The following ATP10B variants were observed in gnomAD, a reference collection of about 807,000 sequenced individuals.
The protein encoded by ATP10B is ATPase phospholipid transporting 10B (putative).
A neutral mutation model predicts 141.2 loss-of-function variants in ATP10B; 122 were observed. The ratio of observed to expected loss-of-function variants is 0.86; its 90% CI spans 0.75 to 1.00. The LOEUF is 1.00. ATP10B is among the 50% of genes least tolerant of loss of function. The pLI, the probability that ATP10B is intolerant of heterozygous loss-of-function variation, is 0.00. For synonymous variants in ATP10B, 685 were observed against 692.0 expected (o/e 0.99, Z 0.16); for missense variants, 1,876 against 1,825.3 (o/e 1.03, Z -0.51).
the ATP10B span, among the ~76,000 whole-genome samples, chr5:160,865,480 A>G: frequency 6.6e-6 from 1 of 152,194 alleles, no homozygotes; most frequent in Non-Finnish European, 1.5e-5. Flanking sequence ...TCTAGAAGAT[A>G]ACATTGGAAA....
intron 7 of ATP10B, among the ~76,000 whole-genome samples, chr5:160,662,704 C>G (rs866023947): frequency 0.011 from 1,617 of 152,128 alleles, 23 homozygotes; most frequent in African/African-American, 0.037. Flanking sequence ...TAGAAGAAAA[C>G]CTAGGCATTA....
At chr5:160,876,974 C>G in the ATP10B span, among the ~76,000 whole-genome samples, 4 of 148,258 alleles carry the variant, frequency 2.7e-5, no homozygotes, top group Non-Finnish European at 4.5e-5. Context: ...GAACTGGTAC[C>G]ATTCCTTCTG....
chr5:160,905,419 G>C, the ATP10B span, among the ~76,000 whole-genome samples: 1 of 152,172 alleles, frequency 6.6e-6, no homozygotes, highest in African/African-American at 2.4e-5. Context: ...CAAGTCCTGG[G>C]TTCCTCAGGT....
At chr5:160,668,638 T>A (rs1322799170) in intron 7 of ATP10B, among the ~76,000 whole-genome samples, 1 of 152,202 alleles carries the variant, frequency 6.6e-6, no homozygotes, top group South Asian at 2.1e-4. Context: ...TGGAGACCAG[T>A]GGACATGCTG....
chr5:160,634,335 C>A lies in ATP10B; in HGVS notation c.1381+19G>T, dbSNP rs371437832. 3 of 1,613,978 alleles carry A rather than the reference C, an allele frequency of 1.9e-6. No homozygotes were observed. Among genetic ancestry groups the A allele is most frequent in the African/African-American group, 2.7e-5 (2 of 74,894 alleles). ...TTTCCTTTTAGAAAGAGGGATGGAG[C>A]CCTTGGGAGCTTCTATACCATTTTC... On this transcript the variant is annotated intron_variant, in intron 12 of 25. Coordinates refer to ENST00000327245, the MANE Select transcript of ATP10B (RefSeq NM_025153.3).
At chr5:160,925,035 A>G in the ATP10B span, among the ~76,000 whole-genome samples, 1 of 152,262 alleles carries the variant, frequency 6.6e-6, no homozygotes, top group Non-Finnish European at 1.5e-5. Context: ...CAGGCTAAAG[A>G]TGACAGGACA....
intron 24 of ATP10B, among the ~76,000 whole-genome samples, chr5:160,586,994 C>G (rs1028662639): frequency 2.0e-5 from 3 of 152,086 alleles, no homozygotes; most frequent in African/African-American, 7.2e-5. Context: ...GTTGCAATTG[C>G]TTTTGGTGTT....
At chr5:160,786,758 GCA>G (rs1234378681) in intron 1 of ATP10B, among the ~76,000 whole-genome samples, 3 of 152,090 alleles carry the variant, frequency 2.0e-5, no homozygotes, top group Non-Finnish European at 4.4e-5. Context: ...ACATGCATAT[GCA>G]CACACACATA....
At chr5:160,736,967 C>T (rs1380580379) in intron 2 of ATP10B, among the ~76,000 whole-genome samples, 4 of 152,238 alleles carry the variant, frequency 2.6e-5, no homozygotes, top group South Asian at 4.1e-4. Context: ...GAAGAAACTA[C>T]GGGCCAATAT....
the ATP10B span, among the ~76,000 whole-genome samples, chr5:160,924,609 C>T: frequency 6.6e-6 from 1 of 152,124 alleles, no homozygotes; most frequent in Admixed American, 6.5e-5. Flanking sequence ...AGCCAGGGCC[C>T]ACCTAGTTGG....
At chr5:160,651,757 C>G (rs1180779331) in intron 7 of ATP10B, among the ~76,000 whole-genome samples, 1 of 152,098 alleles carries the variant, frequency 6.6e-6, no homozygotes, top group East Asian at 1.9e-4. Context: ...TAAATAAACT[C>G]TCTACTCACT....
At chr5:160,852,895 T>G (rs1037311232), upstream of ATP10B, among the ~76,000 whole-genome samples, 1 of 91,516 alleles carries the variant, frequency 1.1e-5, no homozygotes. Context: ...GTAAGTTGAT[T>G]TTAAGGGTAG....
upstream of ATP10B, among the ~76,000 whole-genome samples, chr5:160,853,373 G>T (rs4921165): frequency 0.74 from 112,362 of 151,974 alleles, 42,988 homozygotes; most frequent in East Asian, 0.98. Context: ...GTAACTGGAG[G>T]TTATTTAGTG....
chr5:160,577,746 T>C (rs983823265), intron 24 of ATP10B, among the ~76,000 whole-genome samples: 1 of 152,222 alleles, frequency 6.6e-6, no homozygotes, highest in African/African-American at 2.4e-5. Flanking sequence ...TGTGGCTACC[T>C]GTTTATTGCT....
At chr5:160,887,921 G>A in the ATP10B span, among the ~76,000 whole-genome samples, 12 of 152,190 alleles carry the variant, frequency 7.9e-5, no homozygotes, top group Admixed American at 7.2e-4. Context: ...GCTAACCTAT[G>A]ATATTGTTTG....
At chr5:160,918,574 A>C in the ATP10B span, among the ~76,000 whole-genome samples, 120 of 152,300 alleles carry the variant, frequency 7.9e-4, no homozygotes, top group East Asian at 0.011. Flanking sequence ...ACACACACAT[A>C]AATCCTACTT....
chr5:160,871,181 G>A, the ATP10B span, among the ~76,000 whole-genome samples: 1 of 151,960 alleles, frequency 6.6e-6, no homozygotes, highest in Non-Finnish European at 1.5e-5. Flanking sequence ...TGATCAAATA[G>A]ATAACAGTTT....
At chr5:160,757,995 C>G (rs957684480) in intron 2 of ATP10B, among the ~76,000 whole-genome samples, 1 of 152,142 alleles carries the variant, frequency 6.6e-6, no homozygotes, top group Admixed American at 6.5e-5. Flanking sequence ...GGTAAAATCA[C>G]CCTGGTTGAG....
intron 1 of ATP10B, among the ~76,000 whole-genome samples, chr5:160,838,632 A>T (rs1340095842): frequency 1.3e-5 from 2 of 152,188 alleles, no homozygotes; most frequent in African/African-American, 4.8e-5. Flanking sequence ...AATGGTTAGT[A>T]ATGTACATAC....
Sources: allele counts gnomAD v4.1 joint callset (sites outside exome capture counted in the v4.1 genomes callset), GRCh38; gene constraint gnomAD v4.1.1; transcripts MANE v1.5; gene names NCBI Gene and HGNC (gene_info 2026-07-23, HGNC 2026-07-21).